Variants in FGF1 observed in about 807,000 individuals in gnomAD.
The protein encoded by FGF1 is fibroblast growth factor 1, also known as beta-endothelial cell growth factor.
A neutral mutation model predicts 13.4 loss-of-function variants in FGF1; 9 were observed. That is an observed-to-expected ratio of 0.67 (90% CI 0.40 to 1.17). FGF1 has a LOEUF of 1.17. Among genes scored for constraint, FGF1 ranks in the 50% most tolerant of loss-of-function variants. FGF1 has a pLI of 0.01. For synonymous variants in FGF1, 93 were observed against 79.0 expected (o/e 1.18, Z -0.94); for missense variants, 156 against 192.7 (o/e 0.81, Z 1.13).
At chr5:142,685,296 A>G (rs988961164) in intron 1 of FGF1, among the ~76,000 whole-genome samples, 2 of 152,176 alleles carry the variant, frequency 1.3e-5, no homozygotes, top group African/African-American at 2.4e-5. Flanking sequence ...CCGAGTGACC[A>G]TGGGGCCATG....
intron 1 of FGF1, among the ~76,000 whole-genome samples, chr5:142,666,417 C>T (rs1399154201): frequency 6.6e-6 from 1 of 151,940 alleles, no homozygotes; most frequent in Non-Finnish European, 1.5e-5. Context: ...TCATGAAATC[C>T]AGCAGCAGTG....
At chr5:142,616,366 C>T (rs1299085580) in intron 1 of FGF1, among the ~76,000 whole-genome samples, 1 of 152,176 alleles carries the variant, frequency 6.6e-6, no homozygotes, top group East Asian at 1.9e-4. Flanking sequence ...TTCGCAAATA[C>T]CATATAAACT....
intron 1 of FGF1, chr5:142,644,070 AG>A (rs1400934248): frequency 6.6e-6 from 1 of 152,202 alleles, no homozygotes; most frequent in Non-Finnish European, 1.5e-5. Flanking sequence ...GAATGTCCCC[AG>A]GAGCCCTAAA....
chr5:142,672,129 G>C (rs1405567415), intron 1 of FGF1: 1 of 152,100 alleles, frequency 6.6e-6, no homozygotes, highest in Non-Finnish European at 1.5e-5. Context: ...TGCATAAATA[G>C]ATAGGTAGAT....
chr5:142,612,469 A>G (rs1447587308), intron 2 of FGF1, among the ~76,000 whole-genome samples: 1 of 152,188 alleles, frequency 6.6e-6, no homozygotes, highest in Non-Finnish European at 1.5e-5. Context: ...TATTAGGAAC[A>G]CTTAAAACCC....
chr5:142,674,689 C>T (rs966900976), intron 1 of FGF1, among the ~76,000 whole-genome samples: 3 of 152,112 alleles, frequency 2.0e-5, no homozygotes, highest in Admixed American at 6.5e-5. Flanking sequence ...GCACGACTCC[C>T]GATTAGTCAC....
chr5:142,609,321 T>A (rs1171848842), intron 2 of FGF1, among the ~76,000 whole-genome samples: 1 of 152,200 alleles, frequency 6.6e-6, no homozygotes, highest in Non-Finnish European at 1.5e-5. Flanking sequence ...GTCTCTTGCG[T>A]GCTTGGGGAG....
At chr5:142,612,194 G>T (rs541361889) in intron 2 of FGF1, among the ~76,000 whole-genome samples, 1 of 152,170 alleles carries the variant, frequency 6.6e-6, no homozygotes, top group Non-Finnish European at 1.5e-5. Context: ...TAAGTCAGGC[G>T]GCCAAATCCA....
intron 2 of FGF1, among the ~76,000 whole-genome samples, chr5:142,601,782 A>G (rs1756624435): frequency 6.6e-6 from 1 of 152,144 alleles, no homozygotes; most frequent in African/African-American, 2.4e-5. Context: ...TGAGTTACAG[A>G]GTCACACTCT....
chr5:142,632,119 T>C (rs1398080450), intron 1 of FGF1, among the ~76,000 whole-genome samples: 1 of 152,178 alleles, frequency 6.6e-6, no homozygotes, highest in Non-Finnish European at 1.5e-5. Context: ...CTCCCTGGTG[T>C]AACTGCAAAA....
chr5:142,623,477 C>G (rs1761981302), intron 1 of FGF1, among the ~76,000 whole-genome samples: 1 of 152,036 alleles, frequency 6.6e-6, no homozygotes, highest in African/African-American at 2.4e-5. Context: ...TCCCAAGTAG[C>G]TGGGATTATA....
chr5:142,653,463 G>A (rs955670852), intron 1 of FGF1, among the ~76,000 whole-genome samples: 1 of 152,104 alleles, frequency 6.6e-6, no homozygotes, highest in South Asian at 2.1e-4. Flanking sequence ...TCTCCAGCCC[G>A]GCCTCCCAGT....
At chr5:142,641,571 G>A (rs1364270010) in intron 1 of FGF1, among the ~76,000 whole-genome samples, 1 of 151,972 alleles carries the variant, frequency 6.6e-6, no homozygotes. Flanking sequence ...GCCACAGATG[G>A]TCATTGTAAA....
At chr5:142,682,630 G>A (rs1362081202) in intron 1 of FGF1, among the ~76,000 whole-genome samples, 3 of 152,144 alleles carry the variant, frequency 2.0e-5, no homozygotes, top group East Asian at 1.9e-4. Flanking sequence ...CTTAGCTAAT[G>A]TGTTATGCTC....
At chr5:142,647,788 T>C (rs1411250278) in intron 1 of FGF1, among the ~76,000 whole-genome samples, 3 of 152,174 alleles carry the variant, frequency 2.0e-5, no homozygotes, top group Non-Finnish European at 4.4e-5. Flanking sequence ...TTAAAAATTT[T>C]GGATTTTGGG....
At chr5:142,664,145 G>T (rs1008705999) in intron 1 of FGF1, among the ~76,000 whole-genome samples, 4 of 152,178 alleles carry the variant, frequency 2.6e-5, no homozygotes, top group Non-Finnish European at 5.9e-5. Flanking sequence ...ATGAGCCCCA[G>T]GGGGAGGAAG....
At chr5:142,643,547 G>A (rs1765531134) in intron 1 of FGF1, among the ~76,000 whole-genome samples, 1 of 152,158 alleles carries the variant, frequency 6.6e-6, no homozygotes, top group South Asian at 2.1e-4. Flanking sequence ...CCTCACTCAA[G>A]TCTCCCTCTA....
intron 2 of FGF1, among the ~76,000 whole-genome samples, chr5:142,606,214 C>CTGTGTGTGTGTGTGTGTGTGTGTG (rs1283591761): frequency 1.4e-4 from 10 of 71,090 alleles, no homozygotes; most frequent in African/African-American, 4.7e-4. Flanking sequence ...CATTCTTTCT[C>CTGTGTGTGTGTGTGTGTGTGTGTG]TCTCTGTGTG....
rs903430390 is a variant in FGF1, at chr5:142,633,217, A to G, written c.-34-19056T>C. ...AGGTTGTTTACTCTTTATCACTATT[A>G]TAAGCAAAACTGCTGTAGTCATCTT... On this transcript the variant is annotated intron_variant, in intron 1 of 3. Transcript: ENST00000337706. Among the ~76,000 whole-genome samples, 8 of 152,266 alleles carry G rather than the reference A, an allele frequency of 5.3e-5. No homozygotes were observed. The East Asian group carries it at 1.5e-3, about 29-fold the overall frequency.
Sources: allele counts gnomAD v4.1 joint callset (sites outside exome capture counted in the v4.1 genomes callset), GRCh38; gene constraint gnomAD v4.1.1; transcripts MANE v1.5; gene names NCBI Gene and HGNC (gene_info 2026-07-23, HGNC 2026-07-21).